Variants in GIPC2 observed in about 807,000 individuals in gnomAD.
GIPC2 encodes GIPC PDZ domain containing family member 2.
GIPC2 carries 30 observed loss-of-function variants against 30.6 expected under a neutral mutation model. The observed-to-expected ratio is 0.98, with a 90% CI of 0.73 to 1.33. The LOEUF is 1.33. Among genes scored for constraint, GIPC2 ranks in the 40% most tolerant of loss-of-function variants. GIPC2 has a pLI of 0.00. For synonymous variants in GIPC2, 167 were observed against 150.0 expected, an observed-to-expected ratio of 1.11 and a Z score of -0.83; for missense variants, 414 against 390.3, an observed-to-expected ratio of 1.06 and a Z score of -0.51.
intron 3 of GIPC2, among the ~76,000 whole-genome samples, chr1:78,105,789 A>G (rs774625896): frequency 6.6e-6 from 1 of 152,248 alleles, no homozygotes; most frequent in Non-Finnish European, 1.5e-5. Flanking sequence ...CAGCAATTAT[A>G]TAAATAATAC....
chr1:78,045,787 G>T, upstream of GIPC2: 2 of 1,143,022 alleles, frequency 1.7e-6, no homozygotes, highest in Non-Finnish European at 2.1e-6. Context: ...TGTAGCGTCG[G>T]CATCCTCAGG....
At chr1:78,119,187 A>T (rs890507572) in intron 3 of GIPC2, among the ~76,000 whole-genome samples, 8 of 152,058 alleles carry the variant, frequency 5.3e-5, no homozygotes, top group African/African-American at 1.7e-4. Context: ...TGGAGTTAGA[A>T]CTCTCTCATA....
chr1:78,045,918 G>A, upstream of GIPC2: 2 of 1,340,890 alleles, frequency 1.5e-6, no homozygotes, highest in Non-Finnish European at 1.9e-6. Context: ...CGGGCGGGCG[G>A]CTGCTCCGGT....
chr1:78,094,073 A>G (rs1662092768), intron 2 of GIPC2, among the ~76,000 whole-genome samples: 2 of 152,228 alleles, frequency 1.3e-5, no homozygotes, highest in Admixed American at 1.3e-4. Context: ...AAATACATAA[A>G]TGAAAAACAA....
chr1:78,050,544 A>C (rs1026903806), intron 1 of GIPC2, among the ~76,000 whole-genome samples: 5 of 152,226 alleles, frequency 3.3e-5, no homozygotes, highest in African/African-American at 4.8e-5. Flanking sequence ...AAGAAAAAAA[A>C]CCCTGTAAAT....
Position 78,094,969 on chromosome 1 carries a change from T to G in GIPC2, c.444T>G (p.Gly148=). The G allele has an allele frequency of 6.3e-7, 1 of 1,593,062 alleles. No homozygotes were observed. The highest frequency in any genetic ancestry group is 1.1e-5 in the South Asian group (1 of 90,428). ...YAFIKRIKDG[G]VIDSVKTICV... ...CCTTTCAGAGAATTAAAGATGGTGG[T>G]GTTATTGACTCAGTTAAAACAATCT... The change falls in exon 3 of 6, where the codon GGT becomes GGG. Residue 148 remains glycine (G), a synonymous_variant. Transcript: ENST00000370759.
At chr1:78,045,044 A>T, upstream of GIPC2, 1 of 977,980 alleles carries the variant, frequency 1.0e-6, no homozygotes, top group Non-Finnish European at 1.2e-6. Flanking sequence ...GAGGTAAGGA[A>T]GCCAAAAGAG....
chr1:78,078,998 T>G (rs1661774419), intron 1 of GIPC2, among the ~76,000 whole-genome samples: 1 of 152,210 alleles, frequency 6.6e-6, no homozygotes, highest in South Asian at 2.1e-4. Flanking sequence ...CAAACTAATA[T>G]GCCATTGATT....
intron 2 of GIPC2, among the ~76,000 whole-genome samples, chr1:78,084,957 A>G (rs1421335399): frequency 1.3e-5 from 2 of 152,158 alleles, no homozygotes; most frequent in Non-Finnish European, 2.9e-5. Context: ...TGCTCTGGCT[A>G]GGACTTCCAA....
chr1:78,114,129 C>T (rs542353796), intron 3 of GIPC2, among the ~76,000 whole-genome samples: 2 of 152,316 alleles, frequency 1.3e-5, no homozygotes, highest in Non-Finnish European at 1.5e-5. Context: ...CCCTAAGTGA[C>T]GTATGACAGG....
intron 5 of GIPC2, among the ~76,000 whole-genome samples, chr1:78,133,133 C>T (rs1265058426): frequency 6.6e-6 from 1 of 152,178 alleles, no homozygotes; most frequent in African/African-American, 2.4e-5. Flanking sequence ...ACACACCCTC[C>T]TCTTGCACCA....
chr1:78,131,729 A>G (rs1207082134), intron 5 of GIPC2, among the ~76,000 whole-genome samples: 1 of 152,220 alleles, frequency 6.6e-6, no homozygotes, highest in African/African-American at 2.4e-5. Flanking sequence ...CTTAAAAGCT[A>G]TGTTCACCAA....
chr1:78,081,240 C>A (rs1454475054), intron 2 of GIPC2, among the ~76,000 whole-genome samples: 2 of 152,016 alleles, frequency 1.3e-5, no homozygotes, highest in Non-Finnish European at 2.9e-5. Context: ...TTATTTACTT[C>A]TTTAAAAATG....
At chr1:78,096,540 G>A (rs1662140808) in intron 3 of GIPC2, among the ~76,000 whole-genome samples, 1 of 140,868 alleles carries the variant, frequency 7.1e-6, no homozygotes, top group Non-Finnish European at 1.5e-5. Context: ...TGGTCCTCAT[G>A]TCTTTGTAGA....
rs1214305140 is a variant in GIPC2 at position 78,046,283 on chromosome 1, C to T, written c.189C>T (p.Ile63=). Residue 63 remains isoleucine (I), a synonymous_variant, in exon 1 of 6, where the codon ATC becomes ATT. Transcript: ENST00000370759. ...GCCGAGTGGAGGGCTTCTCCAGCAT[C>T]CAGGAGCTCTACGCCCAGATCGCGG... ...ATGRVEGFSS[I]QELYAQIAGA... 3 of 1,612,032 alleles carry T rather than the reference C, an allele frequency of 1.9e-6. No homozygotes were observed. The highest frequency in any genetic ancestry group is 2.2e-5 in the East Asian group (1 of 44,754).
chr1:78,075,910 C>T (rs901864614), intron 1 of GIPC2, among the ~76,000 whole-genome samples: 13 of 151,762 alleles, frequency 8.6e-5, no homozygotes, highest in African/African-American at 2.9e-4. Flanking sequence ...CTGACTGTCT[C>T]GAAGTAAGAC....
chr1:78,056,286 G>A (rs571597538), intron 1 of GIPC2, among the ~76,000 whole-genome samples: 163 of 152,176 alleles, frequency 1.1e-3, no homozygotes, highest in African/African-American at 3.8e-3. Flanking sequence ...TGACCACCTG[G>A]GCAACATGGT....
chr1:78,108,372 A>C (rs1662400342), intron 3 of GIPC2, among the ~76,000 whole-genome samples: 1 of 152,218 alleles, frequency 6.6e-6, no homozygotes, highest in African/African-American at 2.4e-5. Context: ...ATGACATCTT[A>C]ACTAAAGAAC....
At chr1:78,123,982 G>C (rs1242105896) in intron 4 of GIPC2, among the ~76,000 whole-genome samples, 1 of 152,174 alleles carries the variant, frequency 6.6e-6, no homozygotes, top group African/African-American at 2.4e-5. Context: ...CAAGGAAATA[G>C]ATTTTTATTT....
Sources: gnomAD v4.1 joint callset for allele counts (sites outside exome capture counted in the v4.1 genomes callset) on GRCh38, gnomAD v4.1.1 for gene constraint, MANE v1.5 for transcripts, NCBI Gene and HGNC (gene_info 2026-07-23, HGNC 2026-07-21) for gene names.